The following NRXN3 variants were observed in gnomAD, a reference collection of about 807,000 sequenced individuals.
NRXN3 encodes neurexin 3, also known as neurexin III.
A neutral mutation model predicts 137.6 loss-of-function variants in NRXN3; 32 were observed. The observed-to-expected ratio is 0.23, with a 90% CI of 0.18 to 0.31. The LOEUF is 0.31. Ranked by LOEUF, NRXN3 falls within the 10% of genes least tolerant of loss-of-function variation. NRXN3 has a pLI of 1.00. For synonymous variants in NRXN3, 798 were observed against 784.5 expected, an observed-to-expected ratio of 1.02 and a Z score of -0.29; for missense variants, 1,574 against 2,062.5, an observed-to-expected ratio of 0.76 and a Z score of 4.59.
chr14:79,133,066 T>C (rs1322130640), intron 15 of NRXN3, among the ~76,000 whole-genome samples: 1 of 152,242 alleles, frequency 6.6e-6, no homozygotes. Flanking sequence ...TGGACAGCAC[T>C]CTTTGCAGCT....
At chr14:78,790,554 T>A (rs2098802229) in intron 8 of NRXN3, among the ~76,000 whole-genome samples, 1 of 152,190 alleles carries the variant, frequency 6.6e-6, no homozygotes, top group Admixed American at 6.5e-5. Context: ...CTTGCATAGA[T>A]TTGCATGCAG....
intron 15 of NRXN3, among the ~76,000 whole-genome samples, chr14:79,017,667 A>G (rs1013487433): frequency 6.6e-6 from 1 of 152,142 alleles, no homozygotes; most frequent in Non-Finnish European, 1.5e-5. Flanking sequence ...TGCTATATAT[A>G]TAATGAGGGA....
chr14:79,278,878 A>C (rs1221183282), intron 15 of NRXN3, among the ~76,000 whole-genome samples: 2 of 152,146 alleles, frequency 1.3e-5, no homozygotes, highest in Non-Finnish European at 2.9e-5. Flanking sequence ...GTGGTCGCCC[A>C]AGCCACCGCC....
intron 10 of NRXN3, among the ~76,000 whole-genome samples, chr14:78,877,171 T>C (rs944723541): frequency 6.6e-6 from 1 of 152,194 alleles, no homozygotes; most frequent in Non-Finnish European, 1.5e-5. Context: ...AAATTTATAT[T>C]CTCTTAAATC....
At chr14:79,257,231 C>T (rs1160552305) in intron 15 of NRXN3, among the ~76,000 whole-genome samples, 2 of 151,878 alleles carry the variant, frequency 1.3e-5, no homozygotes, top group Non-Finnish European at 2.9e-5. Flanking sequence ...CTCTGCCAAC[C>T]TCCGTTCATG....
intron 16 of NRXN3, among the ~76,000 whole-genome samples, chr14:79,554,889 T>C (rs1304671845): frequency 6.6e-6 from 1 of 152,146 alleles, no homozygotes; most frequent in Non-Finnish European, 1.5e-5. Flanking sequence ...AACACAGTGG[T>C]ATGGCCGGCC....
intron 4 of NRXN3, among the ~76,000 whole-genome samples, chr14:78,535,490 AG>A (rs2153815647): frequency 6.6e-6 from 1 of 152,338 alleles, no homozygotes; most frequent in East Asian, 1.9e-4. Flanking sequence ...TGTGGTTTTA[AG>A]AAGCTACTTA....
chr14:78,630,656 G>C (rs1409361695), intron 4 of NRXN3, among the ~76,000 whole-genome samples: 2 of 148,864 alleles, frequency 1.3e-5, no homozygotes, highest in Non-Finnish European at 3.0e-5. Context: ...CCAGGCTGGA[G>C]TGCAGTGGCG....
intron 2 of NRXN3, among the ~76,000 whole-genome samples, chr14:78,265,441 T>C (rs762586237): frequency 3.3e-5 from 5 of 152,190 alleles, no homozygotes; most frequent in Non-Finnish European, 7.3e-5. Context: ...AACACATTTG[T>C]ATGGCATTTT....
At chr14:79,071,855 G>A (rs1251723308) in intron 15 of NRXN3, among the ~76,000 whole-genome samples, 10 of 152,154 alleles carry the variant, frequency 6.6e-5, no homozygotes, top group Non-Finnish European at 1.5e-4. Context: ...ATAAATGCTT[G>A]AGGTGATGGC....
chr14:79,016,017 G>A (rs892149515), intron 15 of NRXN3, among the ~76,000 whole-genome samples: 1 of 152,146 alleles, frequency 6.6e-6, no homozygotes, highest in Non-Finnish European at 1.5e-5. Context: ...TTTCTTGGCT[G>A]CTGGTGACTT....
intron 15 of NRXN3, among the ~76,000 whole-genome samples, chr14:79,419,683 G>A (rs1253719779): frequency 6.6e-6 from 1 of 152,102 alleles, no homozygotes; most frequent in Non-Finnish European, 1.5e-5. Context: ...TGTCCAGTAT[G>A]GTGAAATCAG....
At chr14:79,451,914 G>A (rs966423094) in intron 15 of NRXN3, among the ~76,000 whole-genome samples, 3 of 152,128 alleles carry the variant, frequency 2.0e-5, no homozygotes, top group Admixed American at 1.3e-4. Flanking sequence ...CTGGGATCTC[G>A]GGAAGCAGAC....
In NRXN3 at chr14:78,312,882, ATAAG is replaced by A. The variant is rs537095152; in HGVS notation, c.757+15024_757+15027del. Among the ~76,000 whole-genome samples the A allele has an allele frequency of 1.4e-4, 22 of 152,334 alleles. No homozygotes were observed. The South Asian group carries it at 2.3e-3, about 16-fold the overall frequency. ...AAGCTTTTTTTCCAGGATAGAATAA[ATAAG>A]TGTGTTTTCTACTATGTGCTCCGCC... On this transcript the variant is annotated intron_variant, in intron 4 of 20. Coordinates refer to ENST00000335750, the MANE Select transcript of NRXN3 (RefSeq NM_001330195.2).
At chr14:78,247,245 G>T (rs955844846) in intron 2 of NRXN3, among the ~76,000 whole-genome samples, 1 of 152,144 alleles carries the variant, frequency 6.6e-6, no homozygotes, top group African/African-American at 2.4e-5. Flanking sequence ...TCTCTTTTAT[G>T]TGCTTTGGGC....
chr14:79,816,719 TTTAG>T lies in NRXN3; in HGVS notation c.4093+11533_4093+11536del, dbSNP rs764913522. 9.8e-5 allele frequency among the ~76,000 whole-genome samples: 15 copies of T among 152,364 alleles called. No individual in the cohort carries two copies. The South Asian group carries it at 2.3e-3, about 23-fold the overall frequency. ...AACTTTTAAACTCTAATGAATTTTA[TTTAG>T]TTACAGTATGTAATGCATGTTAATT... On this transcript the variant is annotated intron_variant, in intron 20 of 20. Coordinates refer to ENST00000335750, the MANE Select transcript of NRXN3 (RefSeq NM_001330195.2).
intron 17 of NRXN3, among the ~76,000 whole-genome samples, chr14:79,677,558 A>G (rs1281007913): frequency 1.3e-5 from 2 of 152,126 alleles, no homozygotes; most frequent in Admixed American, 1.3e-4. Context: ...TAAAGGCAAT[A>G]TATTGTTCTC....
intron 19 of NRXN3, among the ~76,000 whole-genome samples, chr14:79,726,005 G>A (rs1313874074): frequency 6.6e-6 from 1 of 152,084 alleles, no homozygotes; most frequent in African/African-American, 2.4e-5. Flanking sequence ...TGAGTCCCAA[G>A]GAGATGATGG....
At chr14:78,364,819 A>G (rs772684542) in intron 4 of NRXN3, among the ~76,000 whole-genome samples, 1 of 152,216 alleles carries the variant, frequency 6.6e-6, no homozygotes, top group Non-Finnish European at 1.5e-5. Context: ...GAGAGCAACA[A>G]TGAAGTGGCC....
Sources: gnomAD v4.1 joint callset for allele counts (sites outside exome capture counted in the v4.1 genomes callset) on GRCh38, gnomAD v4.1.1 for gene constraint, MANE v1.5 for transcripts, NCBI Gene and HGNC (gene_info 2026-07-23, HGNC 2026-07-21) for gene names.